The following HARS1 variants were observed in gnomAD, a reference collection of about 807,000 sequenced individuals.
HARS1 encodes the protein histidine--tRNA ligase, cytoplasmic.
In HARS1, 45 loss-of-function variants were observed where a neutral mutation model predicts 63.6. That is an observed-to-expected ratio of 0.71 (90% confidence interval 0.56 to 0.91). The LOEUF (loss-of-function observed/expected upper bound fraction) is 0.91, where lower values mean the gene tolerates loss of function less well. Ranked by LOEUF, HARS1 falls within the 40% of genes least tolerant of loss-of-function variation. The pLI, the probability that HARS1 is intolerant of heterozygous loss-of-function variation, is 0.00. For missense variants in HARS1, 508 were observed against 643.2 expected (o/e 0.79, Z 2.27); for synonymous variants, 205 against 247.1 (o/e 0.83, Z 1.60).
intron 2 of HARS1, 146 bp downstream of exon 2, chr5:140,690,709 A>T: frequency 1.6e-6 from 1 of 641,022 alleles, no homozygotes. Flanking sequence ...GGTAGAGTCC[A>T]GTCCAGCCCA....
At position 140,690,962 on chromosome 5, in the gene HARS1, G is replaced by A. The variant is rs773202238; in HGVS notation, c.91-18C>T. 1 of 1,452,552 alleles carries A rather than the reference G, an allele frequency of 6.9e-7. No individual in the cohort carries two copies. The highest frequency in any genetic ancestry group is 9.7e-7 in the Non-Finnish European group (1 of 1,033,340). 90.0% of individuals were successfully genotyped at this position (1,452,552 alleles called of 1,614,324 possible). A position where few individuals can be genotyped will look rare whatever the true frequency, so the allele number is the denominator to read the frequency against. On this transcript the variant is annotated intron_variant, in intron 1 of 12. Coordinates refer to ENST00000504156, the MANE Select transcript of HARS1 (RefSeq NM_002109.6). ...TCCTCGATCTGTGGAGGGAAAGAAGGCGCTGAGCTATCCATCTGTCACTCT... is the reference window on the plus strand; with the variant it reads ...TCCTCGATCTGTGGAGGGAAAGAAGACGCTGAGCTATCCATCTGTCACTCT...
intron 8 of HARS1, 36 bp downstream of exon 8, chr5:140,677,291 G>A (rs1191024022): frequency 6.6e-7 from 1 of 1,513,298 alleles, no homozygotes; most frequent in Non-Finnish European, 9.2e-7. Context: ...GAGGGCAGTG[G>A]GACGGCTGCT....
At chr5:140,677,783 G>A in intron 6 of HARS1, 30 bp from the exon 7 acceptor site, 2 of 1,490,212 alleles carry the variant, frequency 1.3e-6, no homozygotes, top group South Asian at 2.3e-5. Context: ...AGTGAGGGGG[G>A]AATCTCTTTT....
chr5:140,684,917 A>G (rs1218884681), intron 2 of HARS1: 1 of 152,226 alleles, frequency 6.6e-6, no homozygotes, highest in Non-Finnish European at 1.5e-5. Context: ...ACATCTTTGC[A>G]AATCTTTAAT....
chr5:140,680,489 C>G (rs1158420286), intron 3 of HARS1, among the ~76,000 whole-genome samples: 1 of 152,106 alleles, frequency 6.6e-6, no homozygotes, highest in Non-Finnish European at 1.5e-5. Flanking sequence ...AGAAGAAGCT[C>G]TGTACTTACT....
chr5:140,680,571 T>C (rs1488909970), intron 3 of HARS1, among the ~76,000 whole-genome samples: 1 of 152,146 alleles, frequency 6.6e-6, no homozygotes, highest in African/African-American at 2.4e-5. Flanking sequence ...AGGCCAGGCA[T>C]AGCGGCTCAC....
At chr5:140,674,883 G>A (rs1207838639) in intron 11 of HARS1, 58 bp from the exon 12 acceptor site, 5 of 1,596,204 alleles carry the variant, frequency 3.1e-6, no homozygotes, top group Admixed American at 1.7e-5. Context: ...AGGGACAGAG[G>A]GTGTCCAAGC....
At chr5:140,680,437 G>A (rs766096227) in intron 3 of HARS1, among the ~76,000 whole-genome samples, 16 of 152,060 alleles carry the variant, frequency 1.1e-4, no homozygotes, top group East Asian at 1.9e-4. Flanking sequence ...GAGCCACAGC[G>A]CCCGGCCTGA....
rs1327683029 is a variant in HARS1, at chr5:140,679,494, TAAG to T, written c.396+291_396+293del. ...CAAGGGAAATGTGTTGCTAGTCCAT[TAAG>T]AAGAATTTTGTTCACTGGACAGGGC... is the stretch of plus-strand genomic sequence containing the variant. On this transcript the variant is annotated intron_variant, in intron 4 of 12. Coordinates refer to ENST00000504156, the MANE Select transcript of HARS1 (RefSeq NM_002109.6). This position sits in a 1 kb window ranked among gnomAD's most constrained non-coding sequence, Gnocchi z 4.3. 3 of 413,754 alleles carry T rather than the reference TAAG, an allele frequency of 7.3e-6. No individual in the cohort carries two copies. The highest frequency in any genetic ancestry group is 4.3e-5 in the East Asian group (1 of 23,084). The allele number at this position is 413,754 out of a possible 1,614,324, so 25.6% of individuals were successfully genotyped here.
chr5:140,684,142 T>A (rs1003250868), intron 2 of HARS1: 3 of 148,188 alleles, frequency 2.0e-5, no homozygotes, highest in African/African-American at 7.6e-5. Flanking sequence ...ACAAAAAAAT[T>A]AGCCGGGCGT....
chr5:140,677,783 G>T, intron 6 of HARS1, 30 bp from the exon 7 acceptor site: 1 of 1,490,212 alleles, frequency 6.7e-7, no homozygotes, highest in Non-Finnish European at 9.4e-7. Flanking sequence ...AGTGAGGGGG[G>T]AATCTCTTTT....
intron 7 of HARS1, 113 bp from the exon 8 acceptor site, chr5:140,677,533 C>A: frequency 1.9e-6 from 2 of 1,061,206 alleles, no homozygotes; most frequent in South Asian, 1.3e-5. Context: ...GAGCCTACAT[C>A]CTGGGGCTAA....
chr5:140,688,899 A>T (rs1009842497), intron 2 of HARS1, among the ~76,000 whole-genome samples: 1 of 152,228 alleles, frequency 6.6e-6, no homozygotes, highest in Non-Finnish European at 1.5e-5. Context: ...CTTGGCAAGA[A>T]TACTTCCCAG....
chr5:140,677,700 G>T lies in HARS1; in HGVS notation c.684C>A (p.Asp228Glu), dbSNP rs1050249. 6.2e-7 allele frequency: 1 copy of T among 1,612,088 alleles called. No homozygotes were observed. Among genetic ancestry groups the T allele is most frequent in the Non-Finnish European group, 8.5e-7 (1 of 1,179,390 alleles). ...DGMFAICGVSDSKFRTICSSV... is the reference protein window; with the variant it reads ...DGMFAICGVSESKFRTICSSV... ...AGGAGCAGATGGTACGGAACTTGCT[G>T]TCAGAAACACCACAGATAGCAAACA... is the stretch of plus-strand genomic sequence containing the variant. The change falls in exon 7 of 13, where the codon GAC (aspartate) becomes GAA (glutamate). Residue 228 changes from aspartate to glutamate, a missense_variant. Coordinates refer to ENST00000504156, the MANE Select transcript of HARS1 (RefSeq NM_002109.6).
chr5:140,687,954 A>T (rs995632543), intron 2 of HARS1: 5 of 152,136 alleles, frequency 3.3e-5, no homozygotes, highest in Non-Finnish European at 5.9e-5. Context: ...AATACAAAAA[A>T]TTAGCTAGGT....
In HARS1 at chr5:140,690,855, C is replaced by A; in HGVS notation, c.180G>T (p.Lys60Asn). 1 of 1,559,264 alleles carries A rather than the reference C, an allele frequency of 6.4e-7. No homozygotes were observed. The highest frequency in any genetic ancestry group is 2.2e-5 in the East Asian group (1 of 44,596). Residue 60 changes from lysine to asparagine, a missense_variant and splice_region_variant, in exon 2 of 13, where the codon AAG (lysine) becomes AAT (asparagine). Physicochemically the swap from Lys to Asn is moderately conservative, Grantham distance 94 (BLOSUM62 0). Around this residue, in one of 2 missense-constraint regions of HARS1, gnomAD observed 105 missense variants for 94.5 expected, o/e 1.11. Coordinates refer to ENST00000504156, the MANE Select transcript of HARS1 (RefSeq NM_002109.6). ...TGGCTCCCTACAGGAATGATATTAC[C>A]TTGGGGGTTTTGAGCACAAATTTCT... ...SKQKFVLKTPKGTRDYSPRQM... is the reference protein window; with the variant it reads ...SKQKFVLKTPNGTRDYSPRQM...
chr5:140,682,533 G>A (rs1205581840), intron 3 of HARS1, among the ~76,000 whole-genome samples: 1 of 152,218 alleles, frequency 6.6e-6, no homozygotes, highest in Non-Finnish European at 1.5e-5. Flanking sequence ...GAAGCAGGTA[G>A]TAATGCAATC....
rs1758194022 is a variant in HARS1 at position 140,674,027 on chromosome 5, A to C, written c.*230T>G. 1.6e-6 allele frequency: 1 copy of C among 611,712 alleles called. No individual in the cohort carries two copies. Among genetic ancestry groups the C allele is most frequent in the Non-Finnish European group, 2.9e-6 (1 of 340,936 alleles). The allele number at this position is 611,712 out of a possible 1,614,324, so 37.9% of individuals were successfully genotyped here. On this transcript the variant is annotated 3_prime_UTR_variant, in exon 13 of 13. Coordinates refer to ENST00000504156, the MANE Select transcript of HARS1 (RefSeq NM_002109.6). The stretch of plus-strand genomic sequence containing the variant: ...CTGGGTCCTTGTAGCCCAGGAGCAC[A>C]GACTGGACTAAGCCTCCTGGGCCTT...
rs1231754180 is a variant in HARS1, at chr5:140,674,056, T to G, written c.*201A>C. On this transcript the variant is annotated 3_prime_UTR_variant, in exon 13 of 13. Transcript: ENST00000504156. ...TGGACTAAGCCTCCTGGGCCTTGTA[T>G]GAAAAAGGTGTTGTACCTGGCCGTT... 3 of 643,624 alleles carry G rather than the reference T, an allele frequency of 4.7e-6. No homozygotes were observed. Among genetic ancestry groups the G allele is most frequent in the African/African-American group, 1.8e-5 (1 of 55,276 alleles). The allele number at this position is 643,624 out of a possible 1,614,324, so 39.9% of individuals were successfully genotyped here. A position where few individuals can be genotyped will look rare whatever the true frequency, so the allele number is the denominator to read the frequency against.
Sources: gnomAD v4.1 joint callset for allele counts (sites outside exome capture counted in the v4.1 genomes callset) on GRCh38, gnomAD v4.1.1 for gene constraint, gnomAD v4.1.1 regional missense constraint, Gnocchi (gnomAD v3.1) non-coding constraint, MANE v1.5 for transcripts, NCBI Gene and HGNC (gene_info 2026-07-23, HGNC 2026-07-21) for gene names.